Variants in ACBD7 observed in about 807,000 individuals in gnomAD.
ACBD7 encodes acyl-CoA binding domain containing 7.
ACBD7 carries 11 observed loss-of-function variants against 13.7 expected under a neutral mutation model. That is an observed-to-expected ratio of 0.80 (90% CI 0.50 to 1.33). The LOEUF (loss-of-function observed/expected upper bound fraction) is 1.33, where lower values mean the gene tolerates loss of function less well. ACBD7 is among the 40% of genes most tolerant of loss of function. The probability of loss-of-function intolerance (pLI) is 0.00; values close to 1 mark genes in which losing one functional copy is unlikely to be tolerated. For missense variants in ACBD7, 111 were observed against 103.0 expected (o/e 1.08, Z -0.33); for synonymous variants, 43 against 37.7 (o/e 1.14, Z -0.51).
At chr10:15,083,683 A>G (rs1844774915) in intron 1 of ACBD7, among the ~76,000 whole-genome samples, 1 of 152,146 alleles carries the variant, frequency 6.6e-6, no homozygotes, top group South Asian at 2.1e-4. Context: ...GGGTTTTGCC[A>G]TGTTGGCCAA....
chr10:15,086,655 C>T (rs1265467399), intron 1 of ACBD7, among the ~76,000 whole-genome samples: 1 of 151,952 alleles, frequency 6.6e-6, no homozygotes, highest in Admixed American at 6.6e-5. Context: ...GCGGGTGGAT[C>T]GCTTGAGCTC....
chr10:15,088,369 G>C (rs1299448729), intron 1 of ACBD7: 3 of 434,924 alleles, frequency 6.9e-6, no homozygotes, highest in Non-Finnish European at 1.2e-5. Flanking sequence ...GACACTAAGA[G>C]AGGTCCTGGA....
At position 15,076,757 on chromosome 10, in the gene ACBD7, C is replaced by G; in HGVS notation, c.*1773G>C. On this transcript the variant is annotated 3_prime_UTR_variant, in exon 4 of 4. Transcript: ENST00000356189. Reference sequence around the variant, plus strand: ...GACCTCAGTAATCCACCTACCTCGGCCTCCCAAAGTGCTGAGATTAGAGGC... The same window carrying G: ...GACCTCAGTAATCCACCTACCTCGGGCTCCCAAAGTGCTGAGATTAGAGGC... 1.0e-6 allele frequency: 1 copy of G among 979,306 alleles called. No individual in the cohort carries two copies. The highest frequency in any genetic ancestry group is 1.2e-6 in the Non-Finnish European group (1 of 824,392). The allele number at this position is 979,306 out of a possible 1,614,324, so 60.7% of individuals were successfully genotyped here.
chr10:15,087,548 G>A (rs919151278), intron 1 of ACBD7, among the ~76,000 whole-genome samples: 2 of 150,492 alleles, frequency 1.3e-5, no homozygotes, highest in Non-Finnish European at 3.0e-5. Flanking sequence ...TGTCCAAGGC[G>A]GGTGGATCAC....
In ACBD7 at chr10:15,078,596, C is replaced by T. The variant is rs143269351; in HGVS notation, c.201G>A (p.Ser67=). ...TATAGGCACTCGTCGCATCTTCCGTCGACAACCCTAGAAAGATACAAACAG... is the reference window on the plus strand; with the variant it reads ...TATAGGCACTCGTCGCATCTTCCGTTGACAACCCTAGAAAGATACAAACAG... ...WEAWNLKKGL[S]TEDATSAYIS... is the part of the protein sequence containing the mutation. The change falls in exon 4 of 4, where the codon TCG becomes TCA. Residue 67 remains serine (S), a synonymous_variant. Coordinates refer to ENST00000356189, the MANE Select transcript of ACBD7 (RefSeq NM_001039844.3). The T allele has an allele frequency of 6.8e-6, 11 of 1,614,086 alleles. No homozygotes were observed. Among genetic ancestry groups the T allele is most frequent in the South Asian group, 4.4e-5 (4 of 91,076 alleles).
At chr10:15,080,535 G>C (rs1290524684) in intron 1 of ACBD7, among the ~76,000 whole-genome samples, 6 of 151,794 alleles carry the variant, frequency 4.0e-5, no homozygotes, top group African/African-American at 1.5e-4. Flanking sequence ...AGCTGAAATA[G>C]CACCACTGCA....
At chr10:15,078,893 G>T (rs964879042) in intron 2 of ACBD7, 30 bp downstream of exon 2, 25 of 1,197,236 alleles carry the variant, frequency 2.1e-5, no homozygotes, top group Non-Finnish European at 2.6e-5. Context: ...TGTAACATAT[G>T]AATATATTAA....
In ACBD7 at chr10:15,078,544, T is replaced by C. The variant is rs1030634759; in HGVS notation, c.253A>G (p.Lys85Glu). 1 of 1,614,072 alleles carries C rather than the reference T, an allele frequency of 6.2e-7. No homozygotes were observed. Among genetic ancestry groups the C allele is most frequent in the Non-Finnish European group, 8.5e-7 (1 of 1,180,030 alleles). ...TATGCTGTATTCTAAATTCCGTATT[T>C]TTCTATCAGCTCCTTTGCTTTAGAA... The part of the protein sequence containing the change: ...YISKAKELIE[K>E]YGI Residue 85 changes from lysine to glutamate, a missense_variant, in exon 4 of 4, where the codon AAA becomes GAA. Transcript: ENST00000356189.
In ACBD7 at chr10:15,077,159, A is replaced by G. The variant is rs1487491513; in HGVS notation, c.*1371T>C. Among the ~76,000 whole-genome samples the G allele has an allele frequency of 2.0e-5, 3 of 152,188 alleles. No individual in the cohort carries two copies. Among genetic ancestry groups the G allele is most frequent in the Non-Finnish European group, 4.4e-5 (3 of 68,034 alleles). On this transcript the variant is annotated 3_prime_UTR_variant, in exon 4 of 4. Coordinates refer to ENST00000356189, the MANE Select transcript of ACBD7 (RefSeq NM_001039844.3). ...TTGTATATCTATTGCAGCACAATTC[A>G]CAAGAGCAAAGATATGGAATCAACC...
intron 1 of ACBD7, among the ~76,000 whole-genome samples, chr10:15,087,849 G>A (rs975849241): frequency 2.0e-5 from 3 of 151,656 alleles, no homozygotes; most frequent in East Asian, 1.9e-4. Flanking sequence ...TCAGCCGGGC[G>A]TGGTGGCGTG....
At chr10:15,083,518 G>A (rs1844773205) in intron 1 of ACBD7, among the ~76,000 whole-genome samples, 1 of 152,194 alleles carries the variant, frequency 6.6e-6, no homozygotes, top group Non-Finnish European at 1.5e-5. Flanking sequence ...GTCTCGCTCT[G>A]TTGTCCAAGC....
intron 1 of ACBD7, among the ~76,000 whole-genome samples, chr10:15,080,169 T>C (rs369107247): frequency 5.3e-5 from 8 of 152,276 alleles, no homozygotes; most frequent in African/African-American, 1.9e-4. Context: ...ATAAGATTTA[T>C]TGCAACTGAT....
chr10:15,079,409 G>A (rs1404551562), intron 1 of ACBD7, among the ~76,000 whole-genome samples: 3 of 151,420 alleles, frequency 2.0e-5, no homozygotes, highest in Non-Finnish European at 4.4e-5. Context: ...CAAGTAGCTG[G>A]GACTACAGGG....
intron 1 of ACBD7, among the ~76,000 whole-genome samples, chr10:15,087,338 C>A (rs58877824): frequency 0.1 from 15,817 of 152,266 alleles, 1,038 homozygotes; most frequent in East Asian, 0.32. Flanking sequence ...TTAACTATGT[C>A]ACAGGCTAAG....
In ACBD7 at chr10:15,088,762, G is replaced by C; in HGVS notation, c.-34C>G. 2 of 1,599,062 alleles carry C rather than the reference G, an allele frequency of 1.3e-6. No homozygotes were observed. The highest frequency in any genetic ancestry group is 1.7e-6 in the Non-Finnish European group (2 of 1,175,572). Reference sequence around the variant, plus strand: ...CTGCCGCGTTGTTGCTGCTGCTGTTGTCGTCCGGTGCTCTGCCCCCTCTCG... The same window carrying C: ...CTGCCGCGTTGTTGCTGCTGCTGTTCTCGTCCGGTGCTCTGCCCCCTCTCG... On this transcript the variant is annotated 5_prime_UTR_variant, in exon 1 of 4. Transcript: ENST00000356189.
intron 1 of ACBD7, chr10:15,088,478 G>A (rs1844834735): frequency 5.3e-6 from 3 of 569,048 alleles, no homozygotes; most frequent in Admixed American, 3.9e-5. Context: ...CTCCTGCCTT[G>A]CCTGCTTTTC....
At chr10:15,083,281 T>G (rs755718477) in intron 1 of ACBD7, among the ~76,000 whole-genome samples, 158 of 152,310 alleles carry the variant, frequency 1.0e-3, no homozygotes, top group Non-Finnish European at 1.8e-3. Flanking sequence ...TGCACCTTCC[T>G]GCAGGAGGCC....
chr10:15,083,115 A>G (rs1293938983), intron 1 of ACBD7, among the ~76,000 whole-genome samples: 1 of 152,156 alleles, frequency 6.6e-6, no homozygotes, highest in African/African-American at 2.4e-5. Flanking sequence ...ATGCCCTCAC[A>G]CAGTTTCCCA....
chr10:15,084,281 G>C (rs1844783818), intron 1 of ACBD7, among the ~76,000 whole-genome samples: 1 of 152,314 alleles, frequency 6.6e-6, no homozygotes, highest in African/African-American at 2.4e-5. Flanking sequence ...GGTGGCGTGA[G>C]CCTGGTCTGA....
Sources: allele counts gnomAD v4.1 joint callset (sites outside exome capture counted in the v4.1 genomes callset), GRCh38; gene constraint gnomAD v4.1.1; transcripts MANE v1.5; gene names NCBI Gene and HGNC (gene_info 2026-07-23, HGNC 2026-07-21).